The following ANKRD36 variants were observed in gnomAD, a reference collection of about 807,000 sequenced individuals.
ANKRD36 encodes the protein ankyrin repeat domain-containing protein 36A.
In ANKRD36, 179 loss-of-function variants were observed where a neutral mutation model predicts 278.1. The observed-to-expected ratio is 0.64, with a 90% CI of 0.57 to 0.73. The LOEUF is 0.73. Among genes scored for constraint, ANKRD36 ranks in the 30% least tolerant of loss-of-function variants. ANKRD36 has a pLI of 0.00. For missense variants in ANKRD36, 1,159 were observed against 1,956.7 expected (o/e 0.59, Z 7.69); for synonymous variants, 320 against 641.1 (o/e 0.50, Z 7.57).
At chr2:97,136,316 C>A (rs927288107) in intron 6 of ANKRD36, among the ~76,000 whole-genome samples, 1 of 151,106 alleles carries the variant, frequency 6.6e-6, no homozygotes, top group Non-Finnish European at 1.5e-5. Context: ...AAGCATGTTA[C>A]TTTCCCCCCG....
intron 46 of ANKRD36, among the ~76,000 whole-genome samples, chr2:97,201,537 T>C (rs2061375503): frequency 6.6e-6 from 1 of 151,920 alleles, no homozygotes; most frequent in East Asian, 1.9e-4. Flanking sequence ...TATTATCCTT[T>C]GGTGCCATGA....
intron 67 of ANKRD36, among the ~76,000 whole-genome samples, chr2:97,226,341 A>G (rs1267772063): frequency 3.7e-4 from 57 of 152,012 alleles, no homozygotes; most frequent in African/African-American, 1.3e-3. Context: ...ATGGTATCTC[A>G]TTGTGGTTTT....
At chr2:97,222,342 C>T (rs2067999105) in intron 66 of ANKRD36, among the ~76,000 whole-genome samples, 1 of 152,080 alleles carries the variant, frequency 6.6e-6, no homozygotes, top group South Asian at 2.1e-4. Context: ...GAATCGTTAC[C>T]TAGCAATGGG....
At chr2:97,138,201 GT>G (rs1272003649) in intron 6 of ANKRD36, among the ~76,000 whole-genome samples, 3 of 152,066 alleles carry the variant, frequency 2.0e-5, no homozygotes, top group Non-Finnish European at 2.9e-5. Flanking sequence ...AAAACAAATT[GT>G]CTCAGCCCCA....
chr2:97,220,729 C>CTTTTTTTTTTTTTTTTTTTTTTTTTTTTT, intron 66 of ANKRD36, among the ~76,000 whole-genome samples: 2 of 66,524 alleles, frequency 3.0e-5, no homozygotes, highest in African/African-American at 1.3e-4. Context: ...GATTTTCTTG[C>CTTTTTTTTTTTTTTTTTTTTTTTTTTTTT]TTTTTTTTTT....
rs2153599604 is a variant in ANKRD36, at chr2:97,202,244, C to T, written c.2886+14C>T. On this transcript the variant is annotated intron_variant, in intron 47 of 75. Transcript: ENST00000420699. The stretch of plus-strand genomic sequence containing the variant: ...CCAGCCTTGAAGGTAATGAAACTCC[C>T]ATTTATCTTGTGAACGAGTTAATGT... 2.5e-6 allele frequency: 4 copies of T among 1,608,820 alleles called. No individual in the cohort carries two copies. The highest frequency in any genetic ancestry group is 1.1e-5 in the South Asian group (1 of 90,690).
chr2:97,158,161 G>C lies in ANKRD36; in HGVS notation c.1315G>C (p.Glu439Gln), dbSNP rs1476819922. 6.6e-7 allele frequency: 1 copy of C among 1,510,130 alleles called. No homozygotes were observed. The highest frequency in any genetic ancestry group is 1.4e-5 in the African/African-American group (1 of 72,364). The allele number at this position is 1,510,130 out of a possible 1,614,324, so 93.5% of individuals were successfully genotyped here. A position where few individuals can be genotyped will look rare whatever the true frequency, so the allele number is the denominator to read the frequency against. Residue 439 changes from glutamate to glutamine, a missense_variant, in exon 16 of 76, where the codon GAA becomes CAA. By Grantham distance (29) the Glu-to-Gln change is conservative. Transcript: ENST00000420699. ...NRRTISQQSA[E>Q]NLDAACGIDK... The stretch of plus-strand genomic sequence containing the variant: ...AAGGACTATTTCTCAACAATCTGCA[G>C]AAAATTGTAAGCTATTTGAAACCTG...
intron 6 of ANKRD36, among the ~76,000 whole-genome samples, chr2:97,129,876 T>C (rs2039619172): frequency 6.6e-6 from 1 of 152,074 alleles, no homozygotes; most frequent in African/African-American, 2.4e-5. Context: ...TACTGTAGCC[T>C]TGTAGTATAG....
rs747748628 is a variant in ANKRD36, at chr2:97,179,877, A to G, written c.1679A>G (p.Lys560Arg). ...QPAEKATSDD[K>R]DSVSNIATEI... ...CCCATTCAGGCTACAAGTGACGACAAAGATTCTGTTTCAAATATAGCCACA... is the reference window on the plus strand; with the variant it reads ...CCCATTCAGGCTACAAGTGACGACAGAGATTCTGTTTCAAATATAGCCACA... The change falls in exon 24 of 76, where the codon AAA (lysine) becomes AGA (arginine). Residue 560 changes from lysine (K) to arginine (R), a missense_variant. By Grantham distance (26) the Lys-to-Arg change is conservative (BLOSUM62 2). Transcript: ENST00000420699. 17 of 1,605,288 alleles carry G rather than the reference A, an allele frequency of 1.1e-5. No homozygotes were observed. Among genetic ancestry groups the G allele is most frequent in the African/African-American group, 1.3e-5 (1 of 74,698 alleles).
intron 1 of ANKRD36, among the ~76,000 whole-genome samples, chr2:97,115,460 A>G (rs533737439): frequency 0.012 from 1,798 of 151,796 alleles, 34 homozygotes; most frequent in African/African-American, 0.041. Context: ...CAATATGTGT[A>G]TATACATATT....
chr2:97,221,169 G>C (rs946878789), intron 66 of ANKRD36, among the ~76,000 whole-genome samples: 1 of 135,372 alleles, frequency 7.4e-6, no homozygotes, highest in Non-Finnish European at 1.5e-5. Flanking sequence ...TCTTAATCCA[G>C]TCTATCATTG....
intron 22 of ANKRD36, among the ~76,000 whole-genome samples, chr2:97,178,135 C>T (rs2153535148): frequency 6.6e-6 from 1 of 151,028 alleles, no homozygotes; most frequent in South Asian, 2.1e-4. Flanking sequence ...GAGATACCAT[C>T]TCACACCAGT....
chr2:97,225,282 T>A (rs1482788680), intron 67 of ANKRD36, among the ~76,000 whole-genome samples: 2 of 152,040 alleles, frequency 1.3e-5, no homozygotes, highest in Non-Finnish European at 2.9e-5. Flanking sequence ...ACTTTGCAGT[T>A]TTTTTATTGC....
intron 40 of ANKRD36, 42 bp from the exon 41 acceptor site, chr2:97,196,551 A>C (rs764033266): frequency 2.9e-5 from 46 of 1,602,760 alleles, no homozygotes; most frequent in Non-Finnish European, 3.9e-5. Flanking sequence ...TATCTTTGTC[A>C]TATTTATGTA....
chr2:97,144,173 C>G (rs3100119), intron 8 of ANKRD36, among the ~76,000 whole-genome samples: 1 of 109,308 alleles, frequency 9.1e-6, no homozygotes, highest in African/African-American at 3.5e-5. Flanking sequence ...TCACCTGCTT[C>G]GACATTGATT....
At chr2:97,230,028 C>T (rs188650128) in intron 67 of ANKRD36, among the ~76,000 whole-genome samples, 3 of 152,110 alleles carry the variant, frequency 2.0e-5, no homozygotes, top group Non-Finnish European at 4.4e-5. Context: ...GATGGGCTTC[C>T]CTTTGTGGGC....
intron 22 of ANKRD36, among the ~76,000 whole-genome samples, chr2:97,176,933 G>A (rs1197898465): frequency 2.0e-5 from 3 of 151,574 alleles, no homozygotes; most frequent in Non-Finnish European, 4.4e-5. Flanking sequence ...AAACCCTATT[G>A]TCTCAGCCCA....
chr2:97,229,423 G>A (rs1187670577), intron 67 of ANKRD36, among the ~76,000 whole-genome samples: 1 of 152,064 alleles, frequency 6.6e-6, no homozygotes, highest in African/African-American at 2.4e-5. Flanking sequence ...ATCTTTGTTG[G>A]TTTAAAGTCT....
chr2:97,186,715 A>G (rs1225420121), intron 30 of ANKRD36, among the ~76,000 whole-genome samples: 1 of 151,878 alleles, frequency 6.6e-6, no homozygotes, highest in Admixed American at 6.6e-5. Context: ...TAATGTGTAC[A>G]TTCAACTGAA....
Sources: gnomAD v4.1 joint callset for allele counts (sites outside exome capture counted in the v4.1 genomes callset) on GRCh38, gnomAD v4.1.1 for gene constraint, MANE v1.5 for transcripts, NCBI Gene and HGNC (gene_info 2026-07-23, HGNC 2026-07-21) for gene names.